Variants in PTPRQ observed in about 807,000 individuals in gnomAD.
The protein encoded by PTPRQ is phosphatidylinositol phosphatase PTPRQ.
Under a neutral mutation model 246.0 loss-of-function variants are expected in PTPRQ, and 199 were observed. That is an observed-to-expected ratio of 0.81 (90% CI 0.72 to 0.91). The LOEUF is 0.91. Among genes scored for constraint, PTPRQ ranks in the 40% least tolerant of loss-of-function variants. PTPRQ has a pLI of 0.00. For synonymous variants in PTPRQ, 869 were observed against 853.2 expected, an observed-to-expected ratio of 1.02 and a Z score of -0.32; for missense variants, 2,624 against 2,528.4, an observed-to-expected ratio of 1.04 and a Z score of -0.81.
intron 25 of PTPRQ, among the ~76,000 whole-genome samples, chr12:80,554,232 A>T (rs573945804): frequency 1.3e-5 from 2 of 152,306 alleles, no homozygotes; most frequent in Admixed American, 6.5e-5. Flanking sequence ...TTTGTAACAC[A>T]GGAAATGATA....
At chr12:80,543,987 A>C (rs1896230102) in intron 23 of PTPRQ, among the ~76,000 whole-genome samples, 1 of 152,104 alleles carries the variant, frequency 6.6e-6, no homozygotes, top group African/African-American at 2.4e-5. Context: ...TCATTTTCTC[A>C]GAGTAATCGC....
chr12:80,645,776 C>A (rs12317585), intron 35 of PTPRQ, among the ~76,000 whole-genome samples: 1 of 151,564 alleles, frequency 6.6e-6, no homozygotes, highest in South Asian at 2.1e-4. Flanking sequence ...TTCCGTTGTA[C>A]GAAGAATGCC....
At chr12:80,615,594 T>A (rs947206839) in intron 29 of PTPRQ, among the ~76,000 whole-genome samples, 1 of 151,134 alleles carries the variant, frequency 6.6e-6, no homozygotes, top group African/African-American at 2.4e-5. Context: ...ATATGCTGCA[T>A]TATGCAGGTT....
chr12:80,603,980 A>G (rs1463516188), intron 26 of PTPRQ, among the ~76,000 whole-genome samples: 1 of 151,676 alleles, frequency 6.6e-6, no homozygotes, highest in Non-Finnish European at 1.5e-5. Flanking sequence ...TTTCTTTTAA[A>G]GCACTATAAA....
In PTPRQ at chr12:80,541,572, G is replaced by A. The variant is rs1436273439; in HGVS notation, c.3172G>A (p.Gly1058Arg). ...TDQDIPEGFV[G>R]NLTYESISST... ...TATCATAGTACCTGAAGGGTTTGTT[G>A]GAAACCTGACTTACGAATCCATTTC... The change falls in exon 21 of 45, where the codon GGA (glycine) becomes AGA (arginine). Residue 1058 changes from glycine (G) to arginine (R), a missense_variant. Gly to Arg is a moderately radical substitution (Grantham distance 125). Coordinates refer to ENST00000644991, the MANE Select transcript of PTPRQ (RefSeq NM_001145026.2). The A allele has an allele frequency of 6.5e-7, 1 of 1,529,082 alleles. No homozygotes were observed. Among genetic ancestry groups the A allele is most frequent in the Non-Finnish European group, 8.8e-7 (1 of 1,135,718 alleles). 94.7% of individuals were successfully genotyped at this position (1,529,082 alleles called of 1,614,324 possible). A position where few individuals can be genotyped will look rare whatever the true frequency, so the allele number is the denominator to read the frequency against.
intron 34 of PTPRQ, among the ~76,000 whole-genome samples, chr12:80,634,375 A>G (rs1363290025): frequency 2.0e-5 from 3 of 152,226 alleles, no homozygotes; most frequent in African/African-American, 4.8e-5. Context: ...TTTGATTCTC[A>G]GATTCATGTG....
At chr12:80,474,929 ATAG>A (rs1565730030) in intron 8 of PTPRQ, among the ~76,000 whole-genome samples, 1 of 152,064 alleles carries the variant, frequency 6.6e-6, no homozygotes, top group African/African-American at 2.4e-5. Flanking sequence ...CTTTCTGCAA[ATAG>A]TAGTAAAATC....
intron 38 of PTPRQ, among the ~76,000 whole-genome samples, chr12:80,653,352 A>G (rs1413876849): frequency 2.0e-5 from 3 of 152,214 alleles, no homozygotes; most frequent in Non-Finnish European, 4.4e-5. Flanking sequence ...TCAATCAATA[A>G]GAAAATAAAC....
chr12:80,562,921 G>A (rs1043059219), intron 25 of PTPRQ, among the ~76,000 whole-genome samples: 2 of 151,752 alleles, frequency 1.3e-5, no homozygotes, highest in African/African-American at 4.8e-5. Context: ...TGAAACAAGT[G>A]CAGACACTGC....
intron 25 of PTPRQ, among the ~76,000 whole-genome samples, chr12:80,581,819 A>C (rs1007172245): frequency 2.0e-5 from 3 of 152,182 alleles, no homozygotes; most frequent in Admixed American, 6.5e-5. Flanking sequence ...TACAAATGAT[A>C]GTTTATGAAA....
Position 80,552,645 on chromosome 12 carries a change from T to TG in PTPRQ, c.4285+2911_4285+2912insG, listed in dbSNP as rs1486986901. 2.0e-3 allele frequency among the ~76,000 whole-genome samples: 150 copies of TG among 76,468 alleles called. 8 individuals are homozygous for TG. Among genetic ancestry groups the TG allele is most frequent in the East Asian group, 0.012 (20 of 1,718 alleles). The allele number at this position is 76,468 out of a possible 152,430, so 50.2% of individuals were successfully genotyped here. On this transcript the variant is annotated intron_variant, in intron 25 of 44. Coordinates refer to ENST00000644991, the MANE Select transcript of PTPRQ (RefSeq NM_001145026.2). ...TCCAGGTCTTTGTAAAAAAAAAAAATTATATATATATATATATATATATAT... is the reference window on the plus strand; with the variant it reads ...TCCAGGTCTTTGTAAAAAAAAAAAATGTATATATATATATATATATATATAT...
At chr12:80,534,466 T>G (rs371344708) in intron 18 of PTPRQ, among the ~76,000 whole-genome samples, 64 of 152,104 alleles carry the variant, frequency 4.2e-4, no homozygotes, top group African/African-American at 1.5e-3. Context: ...CAGAAGTTAC[T>G]TGACAAATAG....
chr12:80,466,344 A>G (rs1893411717), intron 6 of PTPRQ, among the ~76,000 whole-genome samples: 1 of 152,174 alleles, frequency 6.6e-6, no homozygotes, highest in African/African-American at 2.4e-5. Context: ...CCAGTGCTCA[A>G]TGAAATAAAA....
intron 35 of PTPRQ, among the ~76,000 whole-genome samples, chr12:80,637,790 A>G (rs1899712604): frequency 6.6e-6 from 1 of 152,146 alleles, no homozygotes; most frequent in African/African-American, 2.4e-5. Context: ...GTGAAGCTCT[A>G]AAACTCTTCA....
chr12:80,630,313 T>C (rs1057412912), intron 33 of PTPRQ, among the ~76,000 whole-genome samples: 67 of 152,282 alleles, frequency 4.4e-4, no homozygotes, highest in African/African-American at 1.5e-3. Flanking sequence ...ATATTTTGGA[T>C]CTGTCTGGTG....
intron 3 of PTPRQ, among the ~76,000 whole-genome samples, chr12:80,452,063 A>T (rs565576382): frequency 1.7e-4 from 7 of 41,712 alleles, no homozygotes; most frequent in African/African-American, 6.9e-4. Context: ...TTGGGTGCAT[A>T]TATATTTAGG....
chr12:80,511,422 CTATTTATT>C (rs1412722887), intron 17 of PTPRQ, among the ~76,000 whole-genome samples: 1 of 152,108 alleles, frequency 6.6e-6, no homozygotes, highest in African/African-American at 2.4e-5. Flanking sequence ...TTTCATTACC[CTATTTATT>C]TATTCACTCA....
chr12:80,670,258 A>C, intron 41 of PTPRQ, 86 bp from the exon 42 acceptor site: 1 of 1,498,312 alleles, frequency 6.7e-7, no homozygotes, highest in Non-Finnish European at 8.9e-7. Context: ...TTAAAAGATC[A>C]CCTTCAAAAA....
At position 80,620,482 on chromosome 12, in the gene PTPRQ, C is replaced by T. The variant is rs143241266; in HGVS notation, c.5612+106C>T. On this transcript the variant is annotated intron_variant, in intron 32 of 44. Coordinates refer to ENST00000644991, the MANE Select transcript of PTPRQ (RefSeq NM_001145026.2). ...ATCTTTCCAATAAGCACTGGATGTCCGCCACGTATAGTGACCTGATTTTTC... is the reference window on the plus strand; with the variant it reads ...ATCTTTCCAATAAGCACTGGATGTCTGCCACGTATAGTGACCTGATTTTTC... 252 of 1,460,192 alleles carry T rather than the reference C, an allele frequency of 1.7e-4. No homozygotes were observed. The African/African-American group carries it at 2.7e-3, about 16-fold the overall frequency. 90.5% of individuals were successfully genotyped at this position (1,460,192 alleles called of 1,614,324 possible).
Sources: gnomAD v4.1 joint callset for allele counts (sites outside exome capture counted in the v4.1 genomes callset) on GRCh38, gnomAD v4.1.1 for gene constraint, MANE v1.5 for transcripts, NCBI Gene and HGNC (gene_info 2026-07-23, HGNC 2026-07-21) for gene names.